SLC14A2: variants seen among roughly 807,000 people sequenced by gnomAD.
SLC14A2 encodes solute carrier family 14 member 2.
A neutral mutation model predicts 104.6 loss-of-function variants in SLC14A2; 91 were observed. The ratio of observed to expected loss-of-function variants is 0.87; its 90% CI spans 0.73 to 1.04. The LOEUF (loss-of-function observed/expected upper bound fraction) is 1.04. SLC14A2 is among the 50% of genes least tolerant of loss of function. The pLI is 0.00. For synonymous variants in SLC14A2, 476 were observed against 466.4 expected, an observed-to-expected ratio of 1.02 and a Z score of -0.27; for missense variants, 1,189 against 1,156.0, an observed-to-expected ratio of 1.03 and a Z score of -0.41.
intron 1 of SLC14A2, among the ~76,000 whole-genome samples, chr18:45,229,278 G>A (rs2084151155): frequency 6.6e-6 from 1 of 152,138 alleles, no homozygotes; most frequent in South Asian, 2.1e-4. Context: ...CTGCCTTCCA[G>A]AGGGCCAGAA....
At chr18:45,519,490 T>C (rs1482973316) in intron 2 of SLC14A2, among the ~76,000 whole-genome samples, 2 of 152,196 alleles carry the variant, frequency 1.3e-5, no homozygotes, top group Non-Finnish European at 2.9e-5. Flanking sequence ...AGCACCCCCA[T>C]GCCCATGCGT....
the SLC14A2 span, among the ~76,000 whole-genome samples, chr18:45,184,350 G>A: frequency 6.6e-6 from 1 of 152,158 alleles, no homozygotes; most frequent in Non-Finnish European, 1.5e-5. Context: ...GGTGGCAAAT[G>A]CAGTCAAAAT....
chr18:45,639,749 T>G lies in SLC14A2; in HGVS notation c.847T>G (p.Leu283Val), dbSNP rs748943464. ...CTGTATTCTGTTAACTTTGCAGCTG[T>G]TACAAGCCATCCCTGTTGGGGTCGG... ...TWTEMEMPLL[L>V]QAIPVGVGQV... Residue 283 changes from leucine to valine, a missense_variant, in exon 7 of 20, where the codon TTA (leucine) becomes GTA (valine). By Grantham distance (32) the Leu-to-Val change is conservative. Coordinates refer to ENST00000255226, the MANE Select transcript of SLC14A2 (RefSeq NM_007163.4). The G allele has an allele frequency of 2.1e-5, 34 of 1,613,576 alleles. No homozygotes were observed. Among genetic ancestry groups the G allele is most frequent in the Non-Finnish European group, 1.5e-5 (18 of 1,179,904 alleles).
Position 45,444,826 on chromosome 18 carries a change from G to T in SLC14A2, c.-124-38407G>T, listed in dbSNP as rs200954946. Among the ~76,000 whole-genome samples the T allele has an allele frequency of 1.6e-4, 24 of 152,328 alleles. 1 individual carries two copies. In the East Asian group the frequency reaches 4.4e-3, roughly 28 times the overall value. Reference sequence around the variant, plus strand: ...ACTTCTCTCAGGGAGCCTATGAGAGGTGGAGAAAGTGGAGAGGTCTCTACC... The same window carrying T: ...ACTTCTCTCAGGGAGCCTATGAGAGTTGGAGAAAGTGGAGAGGTCTCTACC... On this transcript the variant is annotated intron_variant, in intron 1 of 20. Transcript: ENST00000586448.
intron 1 of SLC14A2, among the ~76,000 whole-genome samples, chr18:45,249,167 G>A (rs939474651): frequency 2.6e-5 from 4 of 152,010 alleles, no homozygotes; most frequent in South Asian, 2.1e-4. Context: ...ATTTATAAGC[G>A]TGTTTGCCTC....
chr18:45,635,370 G>T (rs951805587), intron 5 of SLC14A2, among the ~76,000 whole-genome samples: 2 of 152,178 alleles, frequency 1.3e-5, no homozygotes, highest in Admixed American at 1.3e-4. Flanking sequence ...ACATTTAGAA[G>T]TCTGGCAAGA....
intron 10 of SLC14A2, among the ~76,000 whole-genome samples, chr18:45,658,784 T>C (rs937060001): frequency 1.3e-5 from 2 of 152,074 alleles, no homozygotes; most frequent in Admixed American, 6.5e-5. Flanking sequence ...TTCTATGAAA[T>C]CTTTTTTTTT....
At chr18:45,407,851 G>A (rs1001184544) in intron 1 of SLC14A2, among the ~76,000 whole-genome samples, 1 of 152,124 alleles carries the variant, frequency 6.6e-6, no homozygotes, top group African/African-American at 2.4e-5. Context: ...GCTGTTCATG[G>A]CACTTCCAAA....
At chr18:45,549,687 C>G (rs2144277943) in intron 2 of SLC14A2, among the ~76,000 whole-genome samples, 1 of 152,332 alleles carries the variant, frequency 6.6e-6, no homozygotes, top group East Asian at 1.9e-4. Flanking sequence ...AGTTTTGCAG[C>G]CTGGCAAGGG....
intron 1 of SLC14A2, among the ~76,000 whole-genome samples, chr18:45,399,061 C>A (rs953066393): frequency 1.1e-4 from 16 of 152,212 alleles, no homozygotes; most frequent in African/African-American, 3.4e-4. Flanking sequence ...AGTTCCATCT[C>A]ATTTCATCCT....
the SLC14A2 span, among the ~76,000 whole-genome samples, chr18:45,183,564 T>A: frequency 5.3e-5 from 8 of 152,100 alleles, no homozygotes; most frequent in South Asian, 1.2e-3. Flanking sequence ...AGATTATTGT[T>A]TATTGCAGAG....
rs374702472 is a variant in SLC14A2, at chr18:45,673,658, C to T, written c.2378-25C>T. 122 of 1,611,844 alleles carry T rather than the reference C, an allele frequency of 7.6e-5. No homozygotes were observed. The African/African-American group carries it at 1.4e-3, about 19-fold the overall frequency. On this transcript the variant is annotated intron_variant, in intron 17 of 19. Coordinates refer to ENST00000255226, the MANE Select transcript of SLC14A2 (RefSeq NM_007163.4). ...GGGCCCCATAAGACCCTAGACCCAACCCTGATGCCTGCCTTCTGTCACAGC... is the reference window on the plus strand; with the variant it reads ...GGGCCCCATAAGACCCTAGACCCAATCCTGATGCCTGCCTTCTGTCACAGC...
chr18:45,608,849 G>A (rs558569706), intron 2 of SLC14A2, among the ~76,000 whole-genome samples: 1 of 152,270 alleles, frequency 6.6e-6, no homozygotes, highest in Admixed American at 6.5e-5. Flanking sequence ...GGCGTGAGGG[G>A]GGCATGGAAT....
the SLC14A2 span, among the ~76,000 whole-genome samples, chr18:45,194,572 T>C: frequency 2.0e-5 from 3 of 152,082 alleles, no homozygotes; most frequent in South Asian, 4.2e-4. Flanking sequence ...CTCCTTTATA[T>C]GTATCGTGAG....
At chr18:45,446,854 A>C (rs2086778861) in intron 1 of SLC14A2, among the ~76,000 whole-genome samples, 2 of 152,194 alleles carry the variant, frequency 1.3e-5, no homozygotes, top group Non-Finnish European at 2.9e-5. Flanking sequence ...AAATGGGAAG[A>C]GAGGTCATTC....
chr18:45,197,629 A>G, the SLC14A2 span, among the ~76,000 whole-genome samples: 1 of 152,298 alleles, frequency 6.6e-6, no homozygotes, highest in African/African-American at 2.4e-5. Context: ...CTTACATCCC[A>G]CTGATGGGTT....
At chr18:45,428,664 G>C (rs948045817) in intron 1 of SLC14A2, among the ~76,000 whole-genome samples, 6 of 152,198 alleles carry the variant, frequency 3.9e-5, no homozygotes, top group Non-Finnish European at 7.3e-5. Flanking sequence ...ATGTCAAAGT[G>C]ACATGTCATC....
chr18:45,355,979 A>G (rs887621262), intron 1 of SLC14A2, among the ~76,000 whole-genome samples: 2 of 152,224 alleles, frequency 1.3e-5, no homozygotes, highest in African/African-American at 2.4e-5. Context: ...AGACTGAAAC[A>G]TAACTGGGGC....
intron 1 of SLC14A2, among the ~76,000 whole-genome samples, chr18:45,467,525 C>G (rs2144657986): frequency 6.6e-6 from 1 of 152,292 alleles, no homozygotes; most frequent in African/African-American, 2.4e-5. Flanking sequence ...CCCATCTCTT[C>G]TCAGGCCAAC....
Sources: allele counts gnomAD v4.1 joint callset (sites outside exome capture counted in the v4.1 genomes callset), GRCh38; gene constraint gnomAD v4.1.1; transcripts MANE v1.5; gene names NCBI Gene and HGNC (gene_info 2026-07-23, HGNC 2026-07-21).